The following CDH13 variants were observed in gnomAD, a reference collection of about 807,000 sequenced individuals.
The protein encoded by CDH13 is cadherin 13.
CDH13 carries 24 observed loss-of-function variants against 63.8 expected under a neutral mutation model. The ratio of observed to expected loss-of-function variants is 0.38; its 90% CI spans 0.27 to 0.53. The LOEUF (loss-of-function observed/expected upper bound fraction) is 0.53. Among genes scored for constraint, CDH13 ranks in the 20% least tolerant of loss-of-function variants. CDH13 has a pLI of 0.85. For synonymous variants in CDH13, 503 were observed against 355.3 expected (o/e 1.42, Z -4.67); for missense variants, 1,049 against 903.1 (o/e 1.16, Z -2.07).
intron 10 of CDH13, among the ~76,000 whole-genome samples, chr16:83,732,679 A>G (rs1041672556): frequency 5.9e-5 from 9 of 152,120 alleles, no homozygotes; most frequent in African/African-American, 2.2e-4. Context: ...GCATCCTCAT[A>G]CAGAGGGAGG....
chr16:83,594,392 C>T (rs1199358700), intron 7 of CDH13, among the ~76,000 whole-genome samples: 1 of 152,184 alleles, frequency 6.6e-6, no homozygotes, highest in East Asian at 1.9e-4. Context: ...CACTCAGCTA[C>T]TAAGTCATGG....
At chr16:83,081,345 T>C (rs1390353994) in intron 3 of CDH13, among the ~76,000 whole-genome samples, 1 of 152,136 alleles carries the variant, frequency 6.6e-6, no homozygotes, top group African/African-American at 2.4e-5. Context: ...TAGTATACAG[T>C]TGAAGACGGG....
intron 1 of CDH13, among the ~76,000 whole-genome samples, chr16:82,771,360 G>C (rs1269567683): frequency 1.3e-5 from 2 of 152,200 alleles, no homozygotes; most frequent in Non-Finnish European, 2.9e-5. Context: ...GTTTGGGATT[G>C]TCTGCTTAGA....
At chr16:82,796,437 G>C (rs1301910991) in intron 1 of CDH13, among the ~76,000 whole-genome samples, 2 of 152,182 alleles carry the variant, frequency 1.3e-5, no homozygotes, top group African/African-American at 2.4e-5. Flanking sequence ...CTGAATTCCT[G>C]TTCTGGGCCA....
At chr16:83,526,104 G>A (rs901873071) in intron 7 of CDH13, among the ~76,000 whole-genome samples, 7 of 152,178 alleles carry the variant, frequency 4.6e-5, no homozygotes, top group Non-Finnish European at 8.8e-5. Context: ...CAATATGAAA[G>A]GGATGTAACA....
chr16:83,012,060 G>C lies in CDH13; in HGVS notation c.158-19950G>C, dbSNP rs939718483. On this transcript the variant is annotated intron_variant, in intron 2 of 13. Coordinates refer to ENST00000567109, the MANE Select transcript of CDH13 (RefSeq NM_001257.5). ...CCAGGACTAGGTCTGTGTTACCCAG[G>C]ACCATTTGAAAGTTGAAAGAGGAAC... Among the ~76,000 whole-genome samples the C allele has an allele frequency of 5.3e-5, 8 of 152,024 alleles. No homozygotes were observed. In the South Asian group the frequency reaches 1.7e-3, roughly 32 times the overall value.
intron 6 of CDH13, among the ~76,000 whole-genome samples, chr16:83,445,522 C>G (rs912506896): frequency 6.6e-6 from 1 of 152,012 alleles, no homozygotes; most frequent in Non-Finnish European, 1.5e-5. Flanking sequence ...GATTCTGGAC[C>G]GATAGCCTCC....
At chr16:83,759,337 A>G (rs1351605264) in intron 11 of CDH13, among the ~76,000 whole-genome samples, 3 of 152,218 alleles carry the variant, frequency 2.0e-5, no homozygotes, top group Non-Finnish European at 4.4e-5. Flanking sequence ...TTGATTGAAT[A>G]AACATATTTT....
intron 7 of CDH13, among the ~76,000 whole-genome samples, chr16:83,491,572 T>G (rs941320181): frequency 5.3e-5 from 8 of 150,486 alleles, no homozygotes; most frequent in East Asian, 3.9e-4. Flanking sequence ...GTCAGGGTTT[T>G]TTTTTTTTTT....
At chr16:83,218,178 A>G (rs1444212172) in intron 5 of CDH13, among the ~76,000 whole-genome samples, 1 of 152,154 alleles carries the variant, frequency 6.6e-6, no homozygotes, top group East Asian at 1.9e-4. Context: ...TTACCTACTT[A>G]AATGCATTAT....
chr16:82,738,737 T>C (rs1230397541), intron 1 of CDH13, among the ~76,000 whole-genome samples: 2 of 152,218 alleles, frequency 1.3e-5, no homozygotes, highest in Non-Finnish European at 2.9e-5. Flanking sequence ...TGGGGGAAAA[T>C]GTCATCTCTT....
intron 4 of CDH13, among the ~76,000 whole-genome samples, chr16:83,147,890 G>A (rs951841185): frequency 2.0e-5 from 3 of 152,136 alleles, no homozygotes; most frequent in Admixed American, 2.0e-4. Flanking sequence ...AATGGAATTA[G>A]TATGAAGGTA....
At chr16:83,255,700 A>G (rs1210146977) in intron 5 of CDH13, among the ~76,000 whole-genome samples, 1 of 152,098 alleles carries the variant, frequency 6.6e-6, no homozygotes, top group Non-Finnish European at 1.5e-5. Flanking sequence ...GACTTTTATT[A>G]TGCTCTTTTC....
intron 8 of CDH13, among the ~76,000 whole-genome samples, chr16:83,647,508 A>G (rs1157400868): frequency 6.6e-6 from 1 of 152,110 alleles, no homozygotes; most frequent in African/African-American, 2.4e-5. Context: ...TTCCTACAAC[A>G]TAAATGTGTG....
intron 1 of CDH13, among the ~76,000 whole-genome samples, chr16:82,760,188 G>T (rs1459198573): frequency 1.3e-5 from 2 of 152,130 alleles, no homozygotes; most frequent in Non-Finnish European, 2.9e-5. Context: ...AGGCATATCT[G>T]TGCCAGTTAG....
intron 4 of CDH13, among the ~76,000 whole-genome samples, chr16:83,167,366 G>A (rs750488284): frequency 2.0e-5 from 3 of 151,758 alleles, no homozygotes; most frequent in Admixed American, 2.0e-4. Context: ...GCATGCTGGT[G>A]CATACCTGTA....
At chr16:82,879,780 A>G (rs1285539712) in intron 2 of CDH13, among the ~76,000 whole-genome samples, 2 of 137,960 alleles carry the variant, frequency 1.4e-5, no homozygotes, top group Non-Finnish European at 3.0e-5. Flanking sequence ...TATATAATAT[A>G]TAAGTATATA....
At chr16:83,464,743 G>T (rs939477012) in intron 6 of CDH13, among the ~76,000 whole-genome samples, 1 of 152,088 alleles carries the variant, frequency 6.6e-6, no homozygotes, top group Admixed American at 6.6e-5. Context: ...AATTACATCC[G>T]AAAAGACACA....
intron 1 of CDH13, among the ~76,000 whole-genome samples, chr16:82,799,227 T>G (rs1304120086): frequency 6.6e-6 from 1 of 152,194 alleles, no homozygotes; most frequent in Non-Finnish European, 1.5e-5. Context: ...GTCTAATACA[T>G]GTTATTTTTT....
Sources: allele counts gnomAD v4.1 joint callset (sites outside exome capture counted in the v4.1 genomes callset), GRCh38; gene constraint gnomAD v4.1.1; transcripts MANE v1.5; gene names NCBI Gene and HGNC (gene_info 2026-07-23, HGNC 2026-07-21).